Variants in DTNBP1 observed in about 807,000 individuals in gnomAD.
DTNBP1 encodes dysbindin.
In DTNBP1, 35 loss-of-function variants were observed where a neutral mutation model predicts 42.8. The observed-to-expected ratio is 0.82, with a 90% CI of 0.63 to 1.09. The LOEUF is 1.09. Ranked by LOEUF, DTNBP1 falls within the 50% of genes least tolerant of loss-of-function variation. DTNBP1 has a pLI of 0.00. For missense variants in DTNBP1, 457 were observed against 424.2 expected (o/e 1.08, Z -0.68); for synonymous variants, 171 against 162.2 (o/e 1.05, Z -0.41).
chr6:15,527,527 C>A (rs1463984990), intron 8 of DTNBP1, among the ~76,000 whole-genome samples: 2 of 151,920 alleles, frequency 1.3e-5, no homozygotes, highest in African/African-American at 4.8e-5. Context: ...AAAATGGTAC[C>A]CCTGCAAGAA....
Position 15,662,688 on chromosome 6 carries a change from C to G in DTNBP1, c.56+126G>C, listed in dbSNP as rs1038504958. 46 of 1,311,664 alleles carry G rather than the reference C, an allele frequency of 3.5e-5. No individual in the cohort carries two copies. The African/African-American group carries it at 6.4e-4, about 18-fold the overall frequency. The allele number at this position is 1,311,664 out of a possible 1,614,324, so 81.3% of individuals were successfully genotyped here. On this transcript the variant is annotated intron_variant, in intron 1 of 9. Coordinates refer to ENST00000344537, the MANE Select transcript of DTNBP1 (RefSeq NM_032122.5). ...AAGTTCGTTACTTTCCTCGGCGGGG[C>G]GGGGCGGGGAGGTGCGGGACAGGAC...
chr6:15,588,049 G>A (rs1370206195), intron 7 of DTNBP1, among the ~76,000 whole-genome samples: 2 of 152,160 alleles, frequency 1.3e-5, no homozygotes, highest in Non-Finnish European at 2.9e-5. Flanking sequence ...AAAGTTGATG[G>A]CAGCATTATT....
intron 4 of DTNBP1, 136 bp downstream of exon 4, chr6:15,637,608 T>C: frequency 2.1e-6 from 2 of 937,008 alleles, no homozygotes; most frequent in Non-Finnish European, 3.4e-6. Flanking sequence ...AGTTTCATAA[T>C]CAACGACTAG....
chr6:15,629,552 C>T (rs1263188005), intron 4 of DTNBP1, among the ~76,000 whole-genome samples: 1 of 139,892 alleles, frequency 7.1e-6, no homozygotes, highest in Non-Finnish European at 1.5e-5. Context: ...ACTAAACTAT[C>T]ATTTAAAAGA....
In DTNBP1 at chr6:15,566,624, T is replaced by C. The variant is rs140556385; in HGVS notation, c.511+26435A>G. Among the ~76,000 whole-genome samples, 18 of 152,078 alleles carry C rather than the reference T, an allele frequency of 1.2e-4. 1 individual carries two copies. In the East Asian group the frequency reaches 3.1e-3, roughly 26 times the overall value. ...AAATAAAATATTTTATCCCAAAATA[T>C]GTTTCTTTGGCATATTTTGAAATGA... is the stretch of plus-strand genomic sequence containing the variant. On this transcript the variant is annotated intron_variant, in intron 7 of 9. Coordinates refer to ENST00000344537, the MANE Select transcript of DTNBP1 (RefSeq NM_032122.5).
chr6:15,526,955 CAACTA>C (rs1354326363), intron 8 of DTNBP1, among the ~76,000 whole-genome samples: 1 of 152,158 alleles, frequency 6.6e-6, no homozygotes, highest in South Asian at 2.1e-4. Flanking sequence ...AGAGATTATA[CAACTA>C]AACTAAAATA....
intron 6 of DTNBP1, among the ~76,000 whole-genome samples, chr6:15,610,031 G>C (rs1184640055): frequency 6.6e-6 from 1 of 152,174 alleles, no homozygotes; most frequent in African/African-American, 2.4e-5. Flanking sequence ...TTACTACGTA[G>C]GCTTTCACTT....
chr6:15,627,404 T>C lies in DTNBP1; in HGVS notation c.294A>G (p.Gln98=), dbSNP rs2113738687. The C allele has an allele frequency of 6.2e-7, 1 of 1,613,924 alleles. No homozygotes were observed. Among genetic ancestry groups the C allele is most frequent in the Non-Finnish European group, 8.5e-7 (1 of 1,179,898 alleles). ...EKKKTSLVEL[Q]EQLQQLPALI... is the part of the protein sequence containing the mutation. ...AAGCTGGGAGCTGCTGGAGCTGCTC[T>C]TGCAGCTCCACGAGGCTTGTCTTTT... is the stretch of plus-strand genomic sequence containing the variant. Residue 98 remains glutamine (Q), a synonymous_variant, in exon 5 of 10, where the codon CAA becomes CAG. Coordinates refer to ENST00000344537, the MANE Select transcript of DTNBP1 (RefSeq NM_032122.5).
At chr6:15,581,863 C>A (rs1775855920) in intron 7 of DTNBP1, among the ~76,000 whole-genome samples, 1 of 152,120 alleles carries the variant, frequency 6.6e-6, no homozygotes, top group South Asian at 2.1e-4. Context: ...TATTTCCTGT[C>A]CAAGGGGGAC....
At chr6:15,539,815 C>G (rs1773455449) in intron 7 of DTNBP1, among the ~76,000 whole-genome samples, 1 of 152,182 alleles carries the variant, frequency 6.6e-6, no homozygotes, top group Non-Finnish European at 1.5e-5. Flanking sequence ...AATCGCCTCC[C>G]AAAGGACCTG....
At position 15,589,866 on chromosome 6, in the gene DTNBP1, T is replaced by C. The variant is rs567578723; in HGVS notation, c.511+3193A>G. On this transcript the variant is annotated intron_variant, in intron 7 of 9. Coordinates refer to ENST00000344537, the MANE Select transcript of DTNBP1 (RefSeq NM_032122.5). ...ACCCGGATCCCATCTCATTACATTT[T>C]CATTTTTTTCTACCATTCATGATTG... is the stretch of plus-strand genomic sequence containing the variant. Among the ~76,000 whole-genome samples the C allele has an allele frequency of 8.5e-5, 13 of 152,346 alleles. No homozygotes were observed. In the South Asian group the frequency reaches 1.9e-3, roughly 22 times the overall value.
chr6:15,557,231 G>C (rs1219701789), intron 7 of DTNBP1, among the ~76,000 whole-genome samples: 1 of 151,386 alleles, frequency 6.6e-6, no homozygotes, highest in Non-Finnish European at 1.5e-5. Context: ...ACTATAAGAA[G>C]GCATGGGGGT....
intron 6 of DTNBP1, among the ~76,000 whole-genome samples, chr6:15,614,480 C>T (rs893116160): frequency 1.3e-5 from 2 of 152,152 alleles, no homozygotes; most frequent in Non-Finnish European, 2.9e-5. Flanking sequence ...AGCTTCAGTT[C>T]CAGAGGCGCC....
chr6:15,617,009 A>C (rs888147758), intron 5 of DTNBP1, among the ~76,000 whole-genome samples: 1 of 152,204 alleles, frequency 6.6e-6, no homozygotes, highest in African/African-American at 2.4e-5. Flanking sequence ...GAAATCAAGA[A>C]AGCAGTCCCA....
intron 7 of DTNBP1, among the ~76,000 whole-genome samples, chr6:15,541,698 GCTTA>G (rs1773570933): frequency 6.6e-6 from 1 of 151,970 alleles, no homozygotes; most frequent in South Asian, 2.1e-4. Flanking sequence ...AATTTCAAAT[GCTTA>G]CTTACTCAAA....
chr6:15,565,245 TAA>T (rs904767304), intron 7 of DTNBP1, among the ~76,000 whole-genome samples: 2 of 152,208 alleles, frequency 1.3e-5, no homozygotes, highest in Non-Finnish European at 2.9e-5. Flanking sequence ...TGTAAAATTG[TAA>T]AAAGTCACTC....
chr6:15,595,712 A>G (rs1200268481), intron 6 of DTNBP1, among the ~76,000 whole-genome samples: 1 of 152,230 alleles, frequency 6.6e-6, no homozygotes, highest in African/African-American at 2.4e-5. Flanking sequence ...AGGCAGGGAA[A>G]GGCATGTCAG....
chr6:15,603,903 C>T (rs1310789053), intron 6 of DTNBP1, among the ~76,000 whole-genome samples: 1 of 152,166 alleles, frequency 6.6e-6, no homozygotes, highest in Non-Finnish European at 1.5e-5. Flanking sequence ...GGATAGTTTC[C>T]TCACCTGTAT....
chr6:15,533,346 G>C lies in DTNBP1; in HGVS notation c.561C>G (p.Thr187=). 1 of 1,614,182 alleles carries C rather than the reference G, an allele frequency of 6.2e-7. No homozygotes were observed. The part of the protein sequence containing the change: ...HAQKVLEMEH[T]QQMKLKERQK... The stretch of plus-strand genomic sequence containing the variant: ...GCCGCTCCTTCAGCTTCATTTGCTG[G>C]GTGTGCTCCATTTCCAGGACCTTCT... Residue 187 remains threonine, a synonymous_variant, in exon 8 of 10, where the codon ACC becomes ACG. Transcript: ENST00000344537.
Sources: allele counts gnomAD v4.1 joint callset (sites outside exome capture counted in the v4.1 genomes callset), GRCh38; gene constraint gnomAD v4.1.1; transcripts MANE v1.5; gene names NCBI Gene and HGNC (gene_info 2026-07-23, HGNC 2026-07-21).